Variants in CREB5 observed in about 807,000 individuals in gnomAD.
CREB5 encodes the protein cAMP responsive element binding protein 5.
In CREB5, 19 loss-of-function variants were observed where a neutral mutation model predicts 57.1. That is an observed-to-expected ratio of 0.33 (90% confidence interval 0.23 to 0.49). The LOEUF is 0.49. Ranked by LOEUF, CREB5 falls within the 20% of genes least tolerant of loss-of-function variation. The pLI, the probability that CREB5 is intolerant of heterozygous loss-of-function variation, is 0.99. For missense variants in CREB5, 579 were observed against 671.6 expected, an observed-to-expected ratio of 0.86 and a Z score of 1.52; for synonymous variants, 238 against 238.3, an observed-to-expected ratio of 1.00 and a Z score of 0.01.
chr7:28,470,650 CA>C (rs772644331), intron 1 of CREB5, among the ~76,000 whole-genome samples: 131 of 152,132 alleles, frequency 8.6e-4, no homozygotes, highest in Admixed American at 9.2e-4. Flanking sequence ...GAGAAGCCTC[CA>C]AATGGTTGTC....
chr7:28,486,459 A>G (rs1258764813), intron 1 of CREB5, among the ~76,000 whole-genome samples: 1 of 151,640 alleles, frequency 6.6e-6, no homozygotes, highest in Non-Finnish European at 1.5e-5. Flanking sequence ...TCCTATTGGA[A>G]TCACCTACAA....
chr7:28,797,108 T>C (rs2128795376), intron 7 of CREB5, among the ~76,000 whole-genome samples: 1 of 152,356 alleles, frequency 6.6e-6, no homozygotes, highest in East Asian at 1.9e-4. Flanking sequence ...TAGATATTAA[T>C]ATGGAAAAGG....
chr7:28,690,848 T>G (rs1348195746), intron 5 of CREB5, among the ~76,000 whole-genome samples: 1 of 152,202 alleles, frequency 6.6e-6, no homozygotes, highest in Non-Finnish European at 1.5e-5. Context: ...TCTTCTGTTA[T>G]GCCTTTTTTT....
intron 5 of CREB5, among the ~76,000 whole-genome samples, chr7:28,606,763 T>C (rs1797147053): frequency 6.6e-6 from 1 of 152,212 alleles, no homozygotes; most frequent in Non-Finnish European, 1.5e-5. Flanking sequence ...AAAAGCTAGG[T>C]TATGATTTCT....
At chr7:28,790,454 G>T (rs894719349) in intron 7 of CREB5, among the ~76,000 whole-genome samples, 120 of 35,034 alleles carry the variant, frequency 3.4e-3, no homozygotes, top group African/African-American at 0.017. Flanking sequence ...GAGAGAGAGA[G>T]AGAGAGATAG....
At chr7:28,587,955 C>T (rs903419868) in intron 5 of CREB5, among the ~76,000 whole-genome samples, 28 of 152,300 alleles carry the variant, frequency 1.8e-4, no homozygotes, top group Admixed American at 1.4e-3. Context: ...TGTCTAGTTA[C>T]ATTAGTGTAC....
At chr7:28,551,829 C>CT (rs145421884) in intron 4 of CREB5, among the ~76,000 whole-genome samples, 16 of 148,664 alleles carry the variant, frequency 1.1e-4, no homozygotes, top group Admixed American at 4.0e-4. Flanking sequence ...ATTTTTCTTT[C>CT]TTTCTTTCTT....
chr7:28,333,328 A>G (rs965347555), intron 1 of CREB5, among the ~76,000 whole-genome samples: 2 of 152,186 alleles, frequency 1.3e-5, no homozygotes, highest in African/African-American at 4.8e-5. Flanking sequence ...TAGTCATACA[A>G]TGTGTAATAA....
intron 1 of CREB5, among the ~76,000 whole-genome samples, chr7:28,387,344 T>C (rs1047364005): frequency 1.3e-5 from 2 of 152,236 alleles, no homozygotes; most frequent in African/African-American, 4.8e-5. Context: ...TTGAGCTTTT[T>C]TTCATGTGTT....
intron 4 of CREB5, among the ~76,000 whole-genome samples, chr7:28,527,178 T>C (rs886179336): frequency 2.0e-5 from 3 of 152,206 alleles, no homozygotes; most frequent in African/African-American, 7.2e-5. Flanking sequence ...TTTGGGTCTA[T>C]CATAACCACC....
At chr7:28,551,156 A>G (rs1284647534) in intron 4 of CREB5, among the ~76,000 whole-genome samples, 2 of 129,742 alleles carry the variant, frequency 1.5e-5, no homozygotes, top group East Asian at 4.8e-4. Context: ...TTCAAGTATT[A>G]TATTCTTGGG....
intron 5 of CREB5, among the ~76,000 whole-genome samples, chr7:28,666,811 G>C (rs1046779644): frequency 2.0e-5 from 3 of 151,820 alleles, no homozygotes; most frequent in Non-Finnish European, 2.9e-5. Flanking sequence ...AGCCAGGAGT[G>C]TGTCCCAGCT....
At chr7:28,587,100 A>G (rs916675461) in intron 5 of CREB5, among the ~76,000 whole-genome samples, 2 of 152,258 alleles carry the variant, frequency 1.3e-5, no homozygotes, top group Admixed American at 1.3e-4. Context: ...GGGATTCTAA[A>G]TCATTCATGT....
At position 28,442,189 on chromosome 7, in the gene CREB5, C is replaced by T. The variant is rs141889172; in HGVS notation, c.3+29272C>T. On this transcript the variant is annotated intron_variant, in intron 1 of 10. Coordinates refer to ENST00000357727, the MANE Select transcript of CREB5 (RefSeq NM_182898.4). The stretch of plus-strand genomic sequence containing the variant: ...GCTCCCACATATGAGTGAGAACATA[C>T]AGTATTTATCTTCCTGTGCCTGACT... Among the ~76,000 whole-genome samples, 11 of 152,206 alleles carry T rather than the reference C, an allele frequency of 7.2e-5. No individual in the cohort carries two copies. In the East Asian group the frequency reaches 2.1e-3, roughly 29 times the overall value.
intron 3 of CREB5, among the ~76,000 whole-genome samples, chr7:28,501,794 T>G (rs1371398155): frequency 6.6e-6 from 1 of 152,222 alleles, no homozygotes; most frequent in Non-Finnish European, 1.5e-5. Context: ...AGCTCATGGT[T>G]GATCGTGAGT....
rs1795411269 is a variant in CREB5, at chr7:28,564,642, A to G, written c.292-5723A>G. ...TCCCAAGATACTTGAGGAAAGGAAG[A>G]AGTCAAAGGACATGCTGAGAAATGT... On this transcript the variant is annotated intron_variant, in intron 4 of 10. Coordinates refer to ENST00000357727, the MANE Select transcript of CREB5 (RefSeq NM_182898.4). 3.9e-5 allele frequency among the ~76,000 whole-genome samples: 6 copies of G among 152,234 alleles called. No homozygotes were observed. The South Asian group carries it at 1.2e-3, about 32-fold the overall frequency.
At chr7:28,642,439 C>T (rs181655102) in intron 5 of CREB5, among the ~76,000 whole-genome samples, 26 of 152,260 alleles carry the variant, frequency 1.7e-4, no homozygotes, top group African/African-American at 4.3e-4. Context: ...CTAATACAAA[C>T]GTAACTATTT....
intron 5 of CREB5, among the ~76,000 whole-genome samples, chr7:28,632,736 C>T (rs935831214): frequency 1.3e-5 from 2 of 152,242 alleles, no homozygotes; most frequent in East Asian, 1.9e-4. Context: ...TTCTGTCCCT[C>T]GGCTCGAAGG....
chr7:28,603,548 G>A (rs1388155715), intron 5 of CREB5, among the ~76,000 whole-genome samples: 2 of 152,162 alleles, frequency 1.3e-5, no homozygotes. Context: ...CATTTAGCAG[G>A]CTGTGCACAA....
Sources: allele counts gnomAD v4.1 joint callset (sites outside exome capture counted in the v4.1 genomes callset), GRCh38; gene constraint gnomAD v4.1.1; transcripts MANE v1.5; gene names NCBI Gene and HGNC (gene_info 2026-07-23, HGNC 2026-07-21).